CLDN10: variants seen among roughly 807,000 people sequenced by gnomAD.
CLDN10 encodes claudin 10, also known as claudin-10.
Under a neutral mutation model 22.9 loss-of-function variants are expected in CLDN10, and 15 were observed. The observed-to-expected ratio is 0.65, with a 90% CI of 0.44 to 1.01. The LOEUF (loss-of-function observed/expected upper bound fraction) is 1.01. Ranked by LOEUF, CLDN10 falls within the 50% of genes least tolerant of loss-of-function variation. The pLI, the probability that CLDN10 is intolerant of heterozygous loss-of-function variation, is 0.00. For missense variants in CLDN10, 247 were observed against 287.8 expected, an observed-to-expected ratio of 0.86 and a Z score of 1.03; for synonymous variants, 114 against 111.4, an observed-to-expected ratio of 1.02 and a Z score of -0.15.
intron 1 of CLDN10, among the ~76,000 whole-genome samples, chr13:95,505,112 T>C (rs1470063612): frequency 6.6e-6 from 1 of 152,338 alleles, no homozygotes; most frequent in East Asian, 1.9e-4. Flanking sequence ...CAAAGGCAAA[T>C]ACATCTTTCT....
chr13:95,553,119 G>C, intron 1 of CLDN10, 146 bp downstream of exon 1: 2 of 1,184,350 alleles, frequency 1.7e-6, no homozygotes, highest in African/African-American at 1.5e-5. Context: ...GGGCCTTAGG[G>C]AGCCAGGGAC....
intron 1 of CLDN10, among the ~76,000 whole-genome samples, chr13:95,460,886 A>T (rs2042530139): frequency 6.6e-6 from 1 of 152,074 alleles, no homozygotes; most frequent in African/African-American, 2.4e-5. Flanking sequence ...AGGCCGGCGG[A>T]TTGCCTGAGG....
exon 1 of CLDN10, chr13:95,433,946 T>TAAC (rs2042237855): frequency 6.2e-7 from 1 of 1,614,110 alleles, no homozygotes; most frequent in South Asian, 1.1e-5. Context: ...TCCTCGGTGA[T>TAAC]AACAGCCACT....
At chr13:95,552,996 C>T (rs747186983) in intron 1 of CLDN10, 23 bp downstream of exon 1, 6 of 1,611,692 alleles carry the variant, frequency 3.7e-6, no homozygotes, top group Admixed American at 3.3e-5. Context: ...GCGGCCCCCG[C>T]CCTCAGCCCT....
At chr13:95,571,365 G>A (rs2138679146) in intron 3 of CLDN10, among the ~76,000 whole-genome samples, 1 of 152,246 alleles carries the variant, frequency 6.6e-6, no homozygotes, top group East Asian at 1.9e-4. Flanking sequence ...AATTCTCTAT[G>A]AAGTTTCCAT....
chr13:95,493,128 A>C (rs1566299537), intron 1 of CLDN10, among the ~76,000 whole-genome samples: 1 of 152,024 alleles, frequency 6.6e-6, no homozygotes, highest in Admixed American at 6.6e-5. Context: ...GTTATTCTCC[A>C]GCTGAGGGTA....
upstream of CLDN10, among the ~76,000 whole-genome samples, chr13:95,550,290 C>T (rs1305930379): frequency 6.6e-6 from 1 of 152,174 alleles, no homozygotes. Flanking sequence ...CCAAACCATT[C>T]TTCAAAGTTC....
At position 95,467,038 on chromosome 13, in the gene CLDN10, G is replaced by GGTT. The variant is rs751140752; in HGVS notation, c.214+32991_214+32992insGTT. 3.9e-5 allele frequency among the ~76,000 whole-genome samples: 5 copies of GGTT among 127,538 alleles called. No homozygotes were observed. In the East Asian group the frequency reaches 6.9e-4, roughly 18 times the overall value. 83.7% of individuals were successfully genotyped at this position (127,538 alleles called of 152,430 possible). ...ACTACAGGCGCCTGCCACCATGCCCGTTTTTTTTTTTTGTATTTTTAGCAG... is the reference window on the plus strand; with the variant it reads ...ACTACAGGCGCCTGCCACCATGCCCGGTTTTTTTTTTTTTTGTATTTTTAGCAG... On this transcript the variant is annotated intron_variant, in intron 1 of 4. Transcript: ENST00000376873.
chr13:95,512,121 C>CTTTTTTTTT (rs57359573), intron 1 of CLDN10, among the ~76,000 whole-genome samples: 160 of 10,488 alleles, frequency 0.015, 37 homozygotes, highest in African/African-American at 0.031. Flanking sequence ...ATCGTCTCTC[C>CTTTTTTTTT]TTTTTTTTTG....
intron 1 of CLDN10, among the ~76,000 whole-genome samples, chr13:95,556,883 A>G (rs2043646829): frequency 6.6e-6 from 1 of 152,256 alleles, no homozygotes; most frequent in South Asian, 2.1e-4. Flanking sequence ...AATAAAGTAC[A>G]CATAATTTGG....
At chr13:95,545,168 A>G (rs1408806605) in intron 1 of CLDN10, among the ~76,000 whole-genome samples, 1 of 152,178 alleles carries the variant, frequency 6.6e-6, no homozygotes, top group African/African-American at 2.4e-5. Flanking sequence ...TACATTTTTG[A>G]AAAATATTGA....
At chr13:95,474,646 C>G (rs2042667417) in intron 1 of CLDN10, among the ~76,000 whole-genome samples, 1 of 152,238 alleles carries the variant, frequency 6.6e-6, no homozygotes, top group African/African-American at 2.4e-5. Flanking sequence ...TATTCAGAAA[C>G]AGCAGGGAGG....
chr13:95,508,778 T>C (rs760973561), intron 1 of CLDN10, among the ~76,000 whole-genome samples: 2 of 152,124 alleles, frequency 1.3e-5, no homozygotes, highest in Admixed American at 6.6e-5. Flanking sequence ...AGTAATGAAG[T>C]AGTTGGAGGA....
At chr13:95,468,401 CT>C (rs1240012589) in intron 1 of CLDN10, among the ~76,000 whole-genome samples, 14 of 152,154 alleles carry the variant, frequency 9.2e-5, no homozygotes, top group Admixed American at 7.9e-4. Flanking sequence ...CCAAAGAACC[CT>C]GTTCACTTTA....
chr13:95,455,633 A>T (rs78851859), intron 1 of CLDN10, among the ~76,000 whole-genome samples: 13,800 of 152,246 alleles, frequency 0.091, 893 homozygotes, highest in South Asian at 0.22. Context: ...TATTCATGAA[A>T]GAACTTATTT....
intron 1 of CLDN10, among the ~76,000 whole-genome samples, chr13:95,556,781 T>C (rs999138847): frequency 1.3e-5 from 2 of 152,226 alleles, no homozygotes; most frequent in African/African-American, 2.4e-5. Context: ...ACATTCTTTT[T>C]TCCCCCCTAA....
intron 1 of CLDN10, among the ~76,000 whole-genome samples, chr13:95,466,652 A>AT (rs1398281985): frequency 2.0e-5 from 3 of 152,206 alleles, no homozygotes; most frequent in Admixed American, 6.5e-5. Flanking sequence ...GTGGAAATAT[A>AT]TCTGTAATAG....
chr13:95,493,540 T>C (rs1200079394), intron 1 of CLDN10, among the ~76,000 whole-genome samples: 1 of 147,940 alleles, frequency 6.8e-6, no homozygotes, highest in East Asian at 2.0e-4. Context: ...AGATACCCTA[T>C]ATATTTGCCT....
chr13:95,576,565 G>A (rs1392361254), intron 3 of CLDN10, among the ~76,000 whole-genome samples: 1 of 152,164 alleles, frequency 6.6e-6, no homozygotes, highest in Non-Finnish European at 1.5e-5. Flanking sequence ...GCTACTGCAA[G>A]TGATCTTGTT....
Sources: allele counts gnomAD v4.1 joint callset (sites outside exome capture counted in the v4.1 genomes callset), GRCh38; gene constraint gnomAD v4.1.1; transcripts MANE v1.5; gene names NCBI Gene and HGNC (gene_info 2026-07-23, HGNC 2026-07-21).